Variants in PPP4R2 observed in about 807,000 individuals in gnomAD.
PPP4R2 encodes the protein protein phosphatase 4 regulatory subunit 2.
In PPP4R2, 13 loss-of-function variants were observed where a neutral mutation model predicts 47.2. The ratio of observed to expected loss-of-function variants is 0.28; its 90% confidence interval spans 0.18 to 0.44. The LOEUF (loss-of-function observed/expected upper bound fraction) is 0.44, where lower values mean the gene tolerates loss of function less well. Among genes scored for constraint, PPP4R2 ranks in the 20% least tolerant of loss-of-function variants. PPP4R2 has a pLI of 1.00. For synonymous variants in PPP4R2, 151 were observed against 163.3 expected, an observed-to-expected ratio of 0.92 and a Z score of 0.57; for missense variants, 421 against 491.2, an observed-to-expected ratio of 0.86 and a Z score of 1.35.
chr3:73,034,690 G>A (rs1002416148), intron 2 of PPP4R2, among the ~76,000 whole-genome samples: 1 of 152,024 alleles, frequency 6.6e-6, no homozygotes, highest in Admixed American at 6.6e-5. Flanking sequence ...ATGCCACCAT[G>A]CCTGGATAAT....
intron 3 of PPP4R2, among the ~76,000 whole-genome samples, chr3:73,052,760 G>T (rs1702644508): frequency 6.6e-6 from 1 of 152,168 alleles, no homozygotes; most frequent in Non-Finnish European, 1.5e-5. Context: ...AAAGTAGGCA[G>T]TCGGCCTCCT....
At chr3:73,048,791 A>T (rs1322537545) in intron 3 of PPP4R2, among the ~76,000 whole-genome samples, 1 of 152,198 alleles carries the variant, frequency 6.6e-6, no homozygotes, top group Admixed American at 6.5e-5. Flanking sequence ...ATTGCATGGG[A>T]TTTTGAAATA....
intron 2 of PPP4R2, among the ~76,000 whole-genome samples, chr3:73,017,733 CT>C (rs948149771): frequency 4.5e-4 from 65 of 145,826 alleles, no homozygotes; most frequent in East Asian, 6.0e-4. Context: ...TCCATACCAG[CT>C]TTTTTTTTTT....
chr3:73,001,148 C>T (rs1701449133), intron 2 of PPP4R2, among the ~76,000 whole-genome samples: 1 of 152,032 alleles, frequency 6.6e-6, no homozygotes, highest in Admixed American at 6.5e-5. Context: ...AGACTACAAT[C>T]TTGGTGGTAG....
intron 2 of PPP4R2, among the ~76,000 whole-genome samples, chr3:73,002,995 A>G (rs1450795618): frequency 1.3e-5 from 2 of 152,100 alleles, no homozygotes; most frequent in African/African-American, 2.4e-5. Flanking sequence ...TCAAGAACAC[A>G]GGCAGGGTAT....
At chr3:73,062,696 T>C (rs1049086220) in intron 5 of PPP4R2, 1 of 1,613,966 alleles carries the variant, frequency 6.2e-7, no homozygotes, top group Admixed American at 1.7e-5. Flanking sequence ...GCACCAGCAG[T>C]CTCCAAGTTC....
chr3:73,068,803 AT>A lies in PPP4R2; in HGVS notation c.*3082del, dbSNP rs945106093. On this transcript the variant is annotated 3_prime_UTR_variant, in exon 9 of 9. Transcript: ENST00000356692. ...TTGGGCAGAATCTAAAGCTGCTACAATGTTTGATTATGAAAAAAATGTAACA... is the reference window on the plus strand; with the variant it reads ...TTGGGCAGAATCTAAAGCTGCTACAAGTTTGATTATGAAAAAAATGTAACA... 7 of 152,240 alleles carry A rather than the reference AT, an allele frequency of 4.6e-5. No homozygotes were observed. The highest frequency in any genetic ancestry group is 1.7e-4 in the African/African-American group (7 of 41,454). The allele number at this position is 152,240 out of a possible 1,614,324, so 9.4% of individuals were successfully genotyped here.
Position 73,045,825 on chromosome 3 carries a change from C to G in PPP4R2, c.117-1361C>G, listed in dbSNP as rs568562495. On this transcript the variant is annotated intron_variant, in intron 2 of 8. Transcript: ENST00000356692. ...CACCCAGTCTGCTAATCTAAATAAG[C>G]TTTATTTGTGTGGCAGTCCTTTCAG... Among the ~76,000 whole-genome samples, 246 of 152,232 alleles carry G rather than the reference C, an allele frequency of 1.6e-3. 1 individual carries two copies. Among genetic ancestry groups the G allele is most frequent in the Non-Finnish European group, 2.9e-3 (200 of 68,024 alleles).
At chr3:73,047,846 G>A (rs1303544905) in intron 3 of PPP4R2, among the ~76,000 whole-genome samples, 1 of 152,034 alleles carries the variant, frequency 6.6e-6, no homozygotes, top group African/African-American at 2.4e-5. Context: ...AAGATATTCT[G>A]TACAAAAGTA....
intron 3 of PPP4R2, among the ~76,000 whole-genome samples, chr3:73,053,409 TA>T (rs1702662132): frequency 1.3e-5 from 2 of 152,218 alleles, no homozygotes; most frequent in African/African-American, 4.8e-5. Context: ...TTAATAAACT[TA>T]AAAATTGAAA....
At chr3:73,045,192 C>T (rs763226955) in intron 2 of PPP4R2, among the ~76,000 whole-genome samples, 1 of 152,042 alleles carries the variant, frequency 6.6e-6, no homozygotes, top group Non-Finnish European at 1.5e-5. Context: ...TTTGTAGAGA[C>T]GGAGTATTGC....
intron 2 of PPP4R2, among the ~76,000 whole-genome samples, chr3:73,019,397 G>A (rs1480999480): frequency 3.3e-5 from 5 of 152,100 alleles, no homozygotes; most frequent in African/African-American, 7.2e-5. Context: ...TTTTTGGGAC[G>A]GAGTCTTACT....
intron 2 of PPP4R2, among the ~76,000 whole-genome samples, chr3:73,018,696 TG>T (rs1559552024): frequency 6.6e-6 from 1 of 152,204 alleles, no homozygotes; most frequent in Non-Finnish European, 1.5e-5. Context: ...GAATATGCAG[TG>T]TTCTACTGTG....
intron 3 of PPP4R2, among the ~76,000 whole-genome samples, chr3:73,048,083 G>C (rs1029253650): frequency 6.6e-6 from 1 of 152,040 alleles, no homozygotes; most frequent in Non-Finnish European, 1.5e-5. Context: ...CACCATGTTA[G>C]CCAGGATGGT....
At position 73,032,314 on chromosome 3, in the gene PPP4R2, T is replaced by C. The variant is rs537656750; in HGVS notation, c.117-14872T>C. Among the ~76,000 whole-genome samples, 5 of 152,002 alleles carry C rather than the reference T, an allele frequency of 3.3e-5. No homozygotes were observed. The East Asian group carries it at 7.7e-4, about 24-fold the overall frequency. ...CTTTTTTTTTTTTTGAGACGGAGTC[T>C]CGCTCTGCTGCCAGGCTGGAGTGCA... On this transcript the variant is annotated intron_variant, in intron 2 of 8. Coordinates refer to ENST00000356692, the MANE Select transcript of PPP4R2 (RefSeq NM_174907.4).
intron 2 of PPP4R2, among the ~76,000 whole-genome samples, chr3:73,006,391 G>A (rs1205491956): frequency 6.6e-6 from 1 of 151,850 alleles, no homozygotes; most frequent in African/African-American, 2.4e-5. Flanking sequence ...TAGAGACGGG[G>A]TTTTACCACA....
At chr3:73,022,018 T>C (rs1701971327) in intron 2 of PPP4R2, among the ~76,000 whole-genome samples, 1 of 151,806 alleles carries the variant, frequency 6.6e-6, no homozygotes, top group Non-Finnish European at 1.5e-5. Flanking sequence ...TGCCTTAGGT[T>C]CCCAAGTAGC....
chr3:73,021,812 A>G (rs1306295682), intron 2 of PPP4R2, among the ~76,000 whole-genome samples: 1 of 151,572 alleles, frequency 6.6e-6, no homozygotes, highest in Non-Finnish European at 1.5e-5. Context: ...TAGTAATTTT[A>G]AAAATTACTT....
At position 73,010,581 on chromosome 3, in the gene PPP4R2, CAG is replaced by C. The variant is rs1316616937; in HGVS notation, c.116+12426_116+12427del. ...CTCGCTCTCTTTTTTTTTTTTAAGA[CAG>C]AGTCTCACTCTGTCTCCCAGGCTGG... On this transcript the variant is annotated intron_variant, in intron 2 of 8. Transcript: ENST00000356692. 3.3e-5 allele frequency among the ~76,000 whole-genome samples: 5 copies of C among 150,430 alleles called. No homozygotes were observed. In the East Asian group the frequency reaches 5.9e-4, roughly 18 times the overall value.
Sources: gnomAD v4.1 joint callset for allele counts (sites outside exome capture counted in the v4.1 genomes callset) on GRCh38, gnomAD v4.1.1 for gene constraint, MANE v1.5 for transcripts, NCBI Gene and HGNC (gene_info 2026-07-23, HGNC 2026-07-21) for gene names.